EPM2A: variants seen among roughly 807,000 people sequenced by gnomAD.
The protein encoded by EPM2A is EPM2A glucan phosphatase, laforin, also known as laforin.
A neutral mutation model predicts 26.5 loss-of-function variants in EPM2A; 21 were observed. The ratio of observed to expected loss-of-function variants is 0.79; its 90% CI spans 0.56 to 1.14. EPM2A has a LOEUF of 1.14. EPM2A is among the 50% of genes most tolerant of loss of function. The probability of loss-of-function intolerance (pLI) is 0.00; values close to 1 mark genes in which losing one functional copy is unlikely to be tolerated. For missense variants in EPM2A, 458 were observed against 440.8 expected, an observed-to-expected ratio of 1.04 and a Z score of -0.35; for synonymous variants, 217 against 177.6, an observed-to-expected ratio of 1.22 and a Z score of -1.76.
At chr6:145,507,998 AC>A (rs2114759281) in intron 2 of EPM2A, among the ~76,000 whole-genome samples, 1 of 152,166 alleles carries the variant, frequency 6.6e-6, no homozygotes, top group South Asian at 2.1e-4. Flanking sequence ...TGGAGATCTA[AC>A]CCCCAGTACT....
At chr6:145,389,234 T>C (rs989110693) in intron 4 of EPM2A, among the ~76,000 whole-genome samples, 4 of 151,616 alleles carry the variant, frequency 2.6e-5, no homozygotes, top group African/African-American at 9.7e-5. Context: ...GGATTCTTAC[T>C]CTGTCACGAG....
chr6:145,485,017 T>C (rs914808132), intron 4 of EPM2A, among the ~76,000 whole-genome samples: 21 of 149,156 alleles, frequency 1.4e-4, no homozygotes, highest in Non-Finnish European at 1.3e-4. Flanking sequence ...TATATATATA[T>C]ACTAACATTG....
At chr6:145,734,980 G>C in intron 1 of EPM2A, 1 of 345,956 alleles carries the variant, frequency 2.9e-6, no homozygotes, top group Non-Finnish European at 5.1e-6. Flanking sequence ...TACGGGTCTA[G>C]GGAATCAGTA....
chr6:145,568,474 C>A (rs531523533), intron 2 of EPM2A, among the ~76,000 whole-genome samples: 1 of 152,152 alleles, frequency 6.6e-6, no homozygotes, highest in South Asian at 2.1e-4. Flanking sequence ...CACGTGCCAC[C>A]ACCACGCCCA....
intron 4 of EPM2A, among the ~76,000 whole-genome samples, chr6:145,475,722 C>A (rs1779534126): frequency 6.6e-6 from 1 of 151,798 alleles, no homozygotes; most frequent in South Asian, 2.1e-4. Flanking sequence ...AAGTAGTTAT[C>A]AGGTTAAAAT....
intron 2 of EPM2A, among the ~76,000 whole-genome samples, chr6:145,535,019 A>T (rs1228755514): frequency 2.0e-5 from 3 of 152,228 alleles, no homozygotes; most frequent in Non-Finnish European, 4.4e-5. Context: ...AACCAATTTG[A>T]CATATGATCG....
intron 2 of EPM2A, among the ~76,000 whole-genome samples, chr6:145,588,221 A>G (rs1781223559): frequency 6.6e-6 from 1 of 152,180 alleles, no homozygotes; most frequent in Non-Finnish European, 1.5e-5. Flanking sequence ...GAAAAATATA[A>G]TATTGTGGTT....
At chr6:145,488,847 C>T (rs406868) in intron 4 of EPM2A, among the ~76,000 whole-genome samples, 40,711 of 151,800 alleles carry the variant, frequency 0.27, 5,973 homozygotes, top group South Asian at 0.38. Context: ...ATAAATTTTC[C>T]CAGTTGAAAT....
intron 1 of EPM2A, among the ~76,000 whole-genome samples, chr6:145,719,780 C>G (rs1226402695): frequency 6.6e-6 from 1 of 152,062 alleles, no homozygotes; most frequent in Non-Finnish European, 1.5e-5. Flanking sequence ...TATCACAATT[C>G]CAGGTGTATA....
chr6:145,497,362 T>C (rs2114747192), downstream of EPM2A, among the ~76,000 whole-genome samples: 1 of 152,332 alleles, frequency 6.6e-6, no homozygotes, highest in East Asian at 1.9e-4. Context: ...TACCTGAAGA[T>C]ATCACCAGTG....
chr6:145,641,006 A>C (rs1777046037), intron 2 of EPM2A: 1 of 152,216 alleles, frequency 6.6e-6, no homozygotes, highest in Non-Finnish European at 1.5e-5. Context: ...TACACTATGT[A>C]TATAGAGCAC....
intron 4 of EPM2A, among the ~76,000 whole-genome samples, chr6:145,464,854 T>C (rs1025343875): frequency 6.6e-6 from 1 of 152,312 alleles, no homozygotes; most frequent in African/African-American, 2.4e-5. Flanking sequence ...GCTGTAAGTC[T>C]GATGGGCTTC....
intron 2 of EPM2A, among the ~76,000 whole-genome samples, chr6:145,575,149 T>C (rs1781013830): frequency 6.6e-6 from 1 of 152,126 alleles, no homozygotes; most frequent in African/African-American, 2.4e-5. Flanking sequence ...CAGGGTTTAT[T>C]TTCTCAGACA....
chr6:145,474,901 A>T (rs550811065), intron 4 of EPM2A, among the ~76,000 whole-genome samples: 1 of 152,356 alleles, frequency 6.6e-6, no homozygotes, highest in East Asian at 1.9e-4. Context: ...GAGAAATGCA[A>T]ATCAAAACCA....
At chr6:145,517,691 C>A (rs1242077259) in intron 2 of EPM2A, among the ~76,000 whole-genome samples, 1 of 152,100 alleles carries the variant, frequency 6.6e-6, no homozygotes, top group Non-Finnish European at 1.5e-5. Context: ...GCAGTGTCTG[C>A]GAAGGGAACA....
intron 4 of EPM2A, among the ~76,000 whole-genome samples, chr6:145,434,895 G>A (rs1778968835): frequency 6.6e-6 from 1 of 151,970 alleles, no homozygotes; most frequent in Non-Finnish European, 1.5e-5. Context: ...TTAGCTTATG[G>A]GGCAGATCCC....
chr6:145,678,351 A>G (rs1469755680), intron 2 of EPM2A, among the ~76,000 whole-genome samples: 4 of 152,242 alleles, frequency 2.6e-5, no homozygotes, highest in Non-Finnish European at 5.9e-5. Flanking sequence ...CAAGGACTTA[A>G]TGATGAAAAC....
At chr6:145,671,562 C>G (rs1200803326) in intron 2 of EPM2A, among the ~76,000 whole-genome samples, 3 of 152,162 alleles carry the variant, frequency 2.0e-5, no homozygotes, top group African/African-American at 7.2e-5. Context: ...TCTAGTTCAA[C>G]CAGCTCACTT....
chr6:145,398,727 G>T (rs1343343874), intron 4 of EPM2A, among the ~76,000 whole-genome samples: 1 of 152,006 alleles, frequency 6.6e-6, no homozygotes, highest in African/African-American at 2.4e-5. Flanking sequence ...GGCTGAGGTG[G>T]TATGTGCTTG....
Sources: gnomAD v4.1 joint callset for allele counts (sites outside exome capture counted in the v4.1 genomes callset) on GRCh38, gnomAD v4.1.1 for gene constraint, MANE v1.5 for transcripts, NCBI Gene and HGNC (gene_info 2026-07-23, HGNC 2026-07-21) for gene names.